Variants in UBE3B observed in about 807,000 individuals in gnomAD.
UBE3B encodes the protein ubiquitin-protein ligase E3B.
In UBE3B, 80 loss-of-function variants were observed where a neutral mutation model predicts 132.3. That is an observed-to-expected ratio of 0.60 (90% CI 0.50 to 0.73). The LOEUF (loss-of-function observed/expected upper bound fraction) is 0.73, where lower values mean the gene tolerates loss of function less well. UBE3B is among the 30% of genes least tolerant of loss of function. The pLI is 0.00. For synonymous variants in UBE3B, 487 were observed against 520.4 expected, an observed-to-expected ratio of 0.94 and a Z score of 0.87; for missense variants, 1,196 against 1,362.5, an observed-to-expected ratio of 0.88 and a Z score of 1.92.
chr12:109,509,588 T>C lies in UBE3B; in HGVS notation c.1623-8T>C. On this transcript the variant is annotated splice_polypyrimidine_tract_variant and splice_region_variant and intron_variant, in intron 15 of 27. Coordinates refer to ENST00000342494, the MANE Select transcript of UBE3B (RefSeq NM_130466.4). ...GTGGAATTGTGGGTAATTTTCTCTC[T>C]GATTTAGAATCCTTGATGACATTGA... 6.3e-7 allele frequency: 1 copy of C among 1,576,374 alleles called. No individual in the cohort carries two copies. Among genetic ancestry groups the C allele is most frequent in the Non-Finnish European group, 8.6e-7 (1 of 1,164,096 alleles).
At position 109,523,095 on chromosome 12, in the gene UBE3B, C is replaced by T. The variant is rs571447845; in HGVS notation, c.2365-883C>T. On this transcript the variant is annotated intron_variant, in intron 21 of 27. Transcript: ENST00000342494. ...TGCTGACGAGAGAAGATGGGACCTGCTAGGCCCTGCATGAGGAGTGGCATG... is the reference window on the plus strand; with the variant it reads ...TGCTGACGAGAGAAGATGGGACCTGTTAGGCCCTGCATGAGGAGTGGCATG... Among the ~76,000 whole-genome samples, 4 of 152,318 alleles carry T rather than the reference C, an allele frequency of 2.6e-5. No individual in the cohort carries two copies. In the East Asian group the frequency reaches 7.7e-4, roughly 29 times the overall value.
At chr12:109,486,903 T>C (rs1876581098) in intron 6 of UBE3B, among the ~76,000 whole-genome samples, 1 of 152,186 alleles carries the variant, frequency 6.6e-6, no homozygotes, top group South Asian at 2.1e-4. Context: ...AAGCCGAACG[T>C]GAGCACAGCT....
intron 15 of UBE3B, chr12:109,509,300 A>G (rs746051489): frequency 1.0e-4 from 19 of 189,332 alleles, no homozygotes; most frequent in Non-Finnish European, 1.7e-4. Flanking sequence ...ACATGTGCTG[A>G]AAGTGCAGGT....
In UBE3B at chr12:109,501,422, G is replaced by A; in HGVS notation, c.1170G>A (p.Gly390=). 1 of 1,614,112 alleles carries A rather than the reference G, an allele frequency of 6.2e-7. No homozygotes were observed. The highest frequency in any genetic ancestry group is 8.5e-7 in the Non-Finnish European group (1 of 1,180,022). The change falls in exon 13 of 28, where the codon GGG becomes GGA. Residue 390 remains glycine, a synonymous_variant. Transcript: ENST00000342494. ...CCAAACAGCTGCAGTTCTTGTGGGG[G>A]GTGCCTCTGATCCGGATCTTCTTCT... The part of the protein sequence containing the change: ...LITKQLQFLW[G]VPLIRIFFCD...
intron 15 of UBE3B, 137 bp downstream of exon 15, chr12:109,507,872 C>A: frequency 9.6e-7 from 1 of 1,042,392 alleles, no homozygotes; most frequent in Non-Finnish European, 1.4e-6. Context: ...TAAGAACTAG[C>A]CATTTACCAA....
At chr12:109,501,940 A>T (rs1204401779) in intron 13 of UBE3B, among the ~76,000 whole-genome samples, 1 of 152,056 alleles carries the variant, frequency 6.6e-6, no homozygotes. Flanking sequence ...CTGGGGTGAC[A>T]TATATGAGCC....
chr12:109,486,605 C>CAAAAAAAAAAAAAAAAAAAAAAAA (rs1876503514), intron 6 of UBE3B, 30 bp downstream of exon 6: 1 of 1,031,706 alleles, frequency 9.7e-7, no homozygotes, highest in South Asian at 1.6e-5. Context: ...AAAAAAAAAG[C>CAAAAAAAAAAAAAAAAAAAAAAAA]AAAACCAGAA....
chr12:109,535,985 A>G lies in UBE3B; in HGVS notation c.*1203A>G, dbSNP rs1883397187. 6.6e-6 allele frequency: 1 copy of G among 152,146 alleles called. No individual in the cohort carries two copies. The highest frequency in any genetic ancestry group is 6.5e-5 in the Admixed American group (1 of 15,268). The allele number at this position is 152,146 out of a possible 1,614,324, so 9.4% of individuals were successfully genotyped here. A position where few individuals can be genotyped will look rare whatever the true frequency, so the allele number is the denominator to read the frequency against. ...CTCATGCTCCTGCACCTGCACCACC[A>G]AGGTTGATGCCGGATTCGAAGCCAG... On this transcript the variant is annotated 3_prime_UTR_variant, in exon 28 of 28. Coordinates refer to ENST00000342494, the MANE Select transcript of UBE3B (RefSeq NM_130466.4).
downstream of UBE3B, among the ~76,000 whole-genome samples, chr12:109,541,577 ACT>A (rs758267073): frequency 2.0e-5 from 3 of 152,078 alleles, no homozygotes; most frequent in Non-Finnish European, 2.9e-5. Context: ...TCAGAAGGTA[ACT>A]CTCATTGCTG....
At chr12:109,491,280 G>T (rs1179482077) in intron 9 of UBE3B, 153 bp downstream of exon 9, 3 of 567,450 alleles carry the variant, frequency 5.3e-6, no homozygotes, top group African/African-American at 1.9e-5. Flanking sequence ...GAGCACATTT[G>T]TGACTGCTCA....
chr12:109,499,194 G>A (rs1028733383), intron 11 of UBE3B, among the ~76,000 whole-genome samples: 1 of 152,084 alleles, frequency 6.6e-6, no homozygotes, highest in African/African-American at 2.4e-5. Flanking sequence ...GAATAACAGC[G>A]ACTTCCCACG....
intron 19 of UBE3B, among the ~76,000 whole-genome samples, chr12:109,518,917 G>A (rs528397628): frequency 6.6e-6 from 1 of 152,294 alleles, no homozygotes; most frequent in South Asian, 2.1e-4. Flanking sequence ...GAGAGCCCAG[G>A]GGCCTTTGCT....
At chr12:109,533,647 C>T in intron 27 of UBE3B, 89 bp downstream of exon 27, 1 of 1,255,628 alleles carries the variant, frequency 8.0e-7, no homozygotes. Context: ...TTATCTAGTC[C>T]ATATCTCAGC....
chr12:109,543,001 C>A, the UBE3B span, among the ~76,000 whole-genome samples: 1 of 151,944 alleles, frequency 6.6e-6, no homozygotes. Flanking sequence ...TCACAGGAAC[C>A]GGCAGCTGCT....
At chr12:109,542,199 G>T in the UBE3B span, among the ~76,000 whole-genome samples, 1 of 152,222 alleles carries the variant, frequency 6.6e-6, no homozygotes, top group Non-Finnish European at 1.5e-5. Flanking sequence ...TTTGGCGCCT[G>T]TGTCATCACT....
At chr12:109,524,340 T>G in intron 22 of UBE3B, 98 bp from the exon 23 acceptor site, 1 of 1,458,796 alleles carries the variant, frequency 6.9e-7, no homozygotes, top group Non-Finnish European at 9.4e-7. Flanking sequence ...CAGCCATGGG[T>G]GTTCCCAGCA....
chr12:109,485,406 A>G lies in UBE3B; in HGVS notation c.283-606A>G, dbSNP rs549434945. On this transcript the variant is annotated intron_variant, in intron 4 of 27. Transcript: ENST00000342494. ...AGGCAGTGAACACATGATTACGTAGATGAGGACAGATAAGCTGGAGGAGGT... is the reference window on the plus strand; with the variant it reads ...AGGCAGTGAACACATGATTACGTAGGTGAGGACAGATAAGCTGGAGGAGGT... Among the ~76,000 whole-genome samples the G allele has an allele frequency of 8.1e-4, 123 of 152,360 alleles. 1 individual carries two copies. Among genetic ancestry groups the G allele is most frequent in the African/African-American group, 2.9e-3 (120 of 41,594 alleles).
intron 1 of UBE3B, among the ~76,000 whole-genome samples, chr12:109,480,413 C>T (rs1875172876): frequency 6.6e-6 from 1 of 151,910 alleles, no homozygotes; most frequent in Non-Finnish European, 1.5e-5. Flanking sequence ...TTTGGGAGGC[C>T]AAGGCAGGAG....
chr12:109,485,947 TTTTC>T lies in UBE3B; in HGVS notation c.283-61_283-58del, dbSNP rs1019757668. The T allele has an allele frequency of 3.1e-5, 48 of 1,541,076 alleles. No homozygotes were observed. The African/African-American group carries it at 6.5e-4, about 21-fold the overall frequency. On this transcript the variant is annotated intron_variant, in intron 4 of 27. Coordinates refer to ENST00000342494, the MANE Select transcript of UBE3B (RefSeq NM_130466.4). Reference sequence around the variant, plus strand: ...GTGCCAGGTACCCGCTGAAGGCTTGTTTTCTTTGTTTTCACTTTTTGATGGATTG... The same window carrying T: ...GTGCCAGGTACCCGCTGAAGGCTTGTTTTGTTTTCACTTTTTGATGGATTG...
Sources: allele counts gnomAD v4.1 joint callset (sites outside exome capture counted in the v4.1 genomes callset), GRCh38; gene constraint gnomAD v4.1.1; transcripts MANE v1.5; gene names NCBI Gene and HGNC (gene_info 2026-07-23, HGNC 2026-07-21).